Variants in MEGF6 observed in about 807,000 individuals in gnomAD.
The protein encoded by MEGF6 is multiple EGF like domains 6, also known as multiple epidermal growth factor-like domains protein 6.
In MEGF6, 184 loss-of-function variants were observed where a neutral mutation model predicts 207.1. The ratio of observed to expected loss-of-function variants is 0.89; its 90% CI spans 0.79 to 1.00. MEGF6 has a LOEUF of 1.00. Among genes scored for constraint, MEGF6 ranks in the 50% least tolerant of loss-of-function variants. The pLI is 0.00. For missense variants in MEGF6, 2,282 were observed against 2,202.9 expected, an observed-to-expected ratio of 1.04 and a Z score of -0.72; for synonymous variants, 1,038 against 910.0, an observed-to-expected ratio of 1.14 and a Z score of -2.53.
intron 3 of MEGF6, among the ~76,000 whole-genome samples, chr1:3,591,612 GCGAGGGGGC>G (rs1326178296): frequency 1.9e-4 from 29 of 152,250 alleles, no homozygotes; most frequent in African/African-American, 6.5e-4. Flanking sequence ...GGGGGCGCGG[GCGAGGGGGC>G]TGTTGGGGGC....
At chr1:3,567,751 C>T (rs1539128) in intron 4 of MEGF6, among the ~76,000 whole-genome samples, 2 of 152,032 alleles carry the variant, frequency 1.3e-5, no homozygotes, top group African/African-American at 2.4e-5. Context: ...GACGCTGCAG[C>T]GACCTTGAAG....
chr1:3,623,245 T>G, the MEGF6 span: 1 of 152,028 alleles, frequency 6.6e-6, no homozygotes, highest in African/African-American at 2.4e-5. Context: ...TGCCCATCAC[T>G]GACTACAGCT....
intron 21 of MEGF6, 78 bp downstream of exon 21, chr1:3,500,555 T>TTG (rs1226792792): frequency 1.4e-6 from 2 of 1,469,916 alleles, no homozygotes; most frequent in African/African-American, 1.4e-5. Context: ...GTCAAAGGCT[T>TTG]TGTGTGTGTG....
chr1:3,535,252 C>T (rs1642290686), intron 4 of MEGF6, among the ~76,000 whole-genome samples: 1 of 152,174 alleles, frequency 6.6e-6, no homozygotes, highest in African/African-American at 2.4e-5. Flanking sequence ...CAGGGAACAG[C>T]TGTCACAGCG....
At position 3,569,279 on chromosome 1, in the gene MEGF6, C is replaced by T. The variant is rs116808000; in HGVS notation, c.481+10546G>A. The stretch of plus-strand genomic sequence containing the variant: ...CCACACCAATGCCCAGACACCACCC[C>T]GCCGCCCCTCAGCCGGGGCTCCCAA... On this transcript the variant is annotated intron_variant, in intron 4 of 36. Coordinates refer to ENST00000356575, the MANE Select transcript of MEGF6 (RefSeq NM_001409.4). 7.9e-3 allele frequency among the ~76,000 whole-genome samples: 1,198 copies of T among 152,374 alleles called. 19 individuals are homozygous for T. Among genetic ancestry groups the T allele is most frequent in the African/African-American group, 0.027 (1,121 of 41,588 alleles).
chr1:3,618,986 G>A, the MEGF6 span, among the ~76,000 whole-genome samples: 47,892 of 151,846 alleles, frequency 0.32, 7,818 homozygotes, highest in African/African-American at 0.41. The surrounding 1 kb of genome is among the most constrained non-coding windows in gnomAD (Gnocchi z 4.7). Flanking sequence ...CACATCCATC[G>A]GAGAACAAGG....
chr1:3,507,655 G>A, intron 14 of MEGF6, 140 bp downstream of exon 14: 1 of 1,076,772 alleles, frequency 9.3e-7, no homozygotes, highest in South Asian at 1.3e-5. Context: ...AGGAAGGAAA[G>A]GGAGTCTAGG....
In MEGF6 at chr1:3,494,578, G is replaced by T. The variant is rs1320505427; in HGVS notation, c.4000+35C>A. 5 of 1,559,820 alleles carry T rather than the reference G, an allele frequency of 3.2e-6. No individual in the cohort carries two copies. In the South Asian group the frequency reaches 5.9e-5, roughly 18 times the overall value. The stretch of plus-strand genomic sequence containing the variant: ...TGGCAGCCCAGGGCACCTCCCTGAG[G>T]GGATGCTGGGGTCCCGCTGGCCCCG... On this transcript the variant is annotated intron_variant, in intron 31 of 36. Transcript: ENST00000356575.
chr1:3,495,634 G>A (rs1312673289), intron 30 of MEGF6, among the ~76,000 whole-genome samples: 3 of 152,178 alleles, frequency 2.0e-5, no homozygotes, highest in Non-Finnish European at 2.9e-5. Flanking sequence ...GGGGTCACTG[G>A]GTGGCCTGAG....
chr1:3,510,559 C>A (rs1641304126), intron 10 of MEGF6, among the ~76,000 whole-genome samples: 1 of 150,536 alleles, frequency 6.6e-6, no homozygotes, highest in Non-Finnish European at 1.5e-5. Context: ...TCAGCAGGGG[C>A]TCAACCAACA....
rs539324666 is a variant in MEGF6 at position 3,594,982 on chromosome 1, G to A, written c.376+356C>T. Among the ~76,000 whole-genome samples the A allele has an allele frequency of 3.0e-4, 45 of 152,196 alleles. No individual in the cohort carries two copies. Among genetic ancestry groups the A allele is most frequent in the African/African-American group, 1.1e-3 (45 of 41,504 alleles). The stretch of plus-strand genomic sequence containing the variant: ...GGGACTCAGGGAGCTGGGGGTGAGC[G>A]TGGTGTGGCAGGTAAACCCCGAACT... On this transcript the variant is annotated intron_variant, in intron 3 of 36. Transcript: ENST00000356575. This position sits in a 1 kb window ranked among gnomAD's most constrained non-coding sequence, Gnocchi z 4.2.
At chr1:3,529,591 T>C (rs1377615021) in intron 4 of MEGF6, among the ~76,000 whole-genome samples, 1 of 152,206 alleles carries the variant, frequency 6.6e-6, no homozygotes, top group Admixed American at 6.5e-5. Context: ...AAGAGAACTG[T>C]CAGCACACTG....
chr1:3,499,384 CCCCT>C (rs1201035645), intron 23 of MEGF6, 118 bp from the exon 24 acceptor site: 3 of 1,433,892 alleles, frequency 2.1e-6, no homozygotes, highest in Non-Finnish European at 2.8e-6. Context: ...GGCCAACTCT[CCCCT>C]CCCTCTGGCT....
chr1:3,550,624 G>T (rs899113536), intron 4 of MEGF6, among the ~76,000 whole-genome samples: 2 of 152,252 alleles, frequency 1.3e-5, no homozygotes, highest in Non-Finnish European at 2.9e-5. Context: ...GAAAGAAGCG[G>T]TCGTGCCCAG....
At chr1:3,589,262 A>G (rs1643940001) in intron 3 of MEGF6, among the ~76,000 whole-genome samples, 1 of 152,142 alleles carries the variant, frequency 6.6e-6, no homozygotes, top group Non-Finnish European at 1.5e-5. Flanking sequence ...TGACACCTTG[A>G]TCTGAGGCTT....
chr1:3,570,405 A>G (rs1356047709), intron 4 of MEGF6, among the ~76,000 whole-genome samples: 1 of 152,208 alleles, frequency 6.6e-6, no homozygotes, highest in Non-Finnish European at 1.5e-5. Flanking sequence ...GTGCAGTTAA[A>G]GAGGATGTGC....
Position 3,501,829 on chromosome 1 carries a change from G to A in MEGF6, c.2281C>T (p.Pro761Ser). Reference sequence around the variant, plus strand: ...CAGTCTTCCCCAGTCCTCCCCGGCGGACACCGGCACTGCCCCGTGACCCCG... The same window carrying A: ...CAGTCTTCCCCAGTCCTCCCCGGCGAACACCGGCACTGCCCCGTGACCCCG... ...CHGVTGQCRC[P>S]PGRTGEDCEA... is the part of the protein sequence containing the mutation. Residue 761 changes from proline (P) to serine (S), a missense_variant, in exon 18 of 37, where the codon CCG becomes TCG. Physicochemically the swap from Pro to Ser is moderately conservative, Grantham distance 74 (BLOSUM62 -1). Coordinates refer to ENST00000356575, the MANE Select transcript of MEGF6 (RefSeq NM_001409.4). 2 of 1,608,950 alleles carry A rather than the reference G, an allele frequency of 1.2e-6. No homozygotes were observed. Among genetic ancestry groups the A allele is most frequent in the Non-Finnish European group, 1.7e-6 (2 of 1,178,620 alleles).
intron 4 of MEGF6, among the ~76,000 whole-genome samples, chr1:3,564,805 C>A (rs1159350347): frequency 1.3e-5 from 2 of 152,160 alleles, no homozygotes; most frequent in African/African-American, 2.4e-5. Flanking sequence ...CCCCCTTCAC[C>A]CCCATCTGGG....
chr1:3,577,989 G>T (rs891382405), intron 4 of MEGF6, among the ~76,000 whole-genome samples: 3 of 152,230 alleles, frequency 2.0e-5, no homozygotes, highest in African/African-American at 7.2e-5. Flanking sequence ...ACGCGTCAGG[G>T]TCTCATGGAG....
Sources: gnomAD v4.1 joint callset for allele counts (sites outside exome capture counted in the v4.1 genomes callset) on GRCh38, gnomAD v4.1.1 for gene constraint, Gnocchi (gnomAD v3.1) non-coding constraint, MANE v1.5 for transcripts, NCBI Gene and HGNC (gene_info 2026-07-23, HGNC 2026-07-21) for gene names.